Variants in CDHR3 observed in about 807,000 individuals in gnomAD.
The protein encoded by CDHR3 is cadherin-related family member 3.
A neutral mutation model predicts 86.6 loss-of-function variants in CDHR3; 79 were observed. The ratio of observed to expected loss-of-function variants is 0.91; its 90% CI spans 0.76 to 1.10. The LOEUF is 1.10. Among genes scored for constraint, CDHR3 ranks in the 50% least tolerant of loss-of-function variants. The pLI, the probability that CDHR3 is intolerant of heterozygous loss-of-function variation, is 0.00. For synonymous variants in CDHR3, 421 were observed against 402.4 expected, an observed-to-expected ratio of 1.05 and a Z score of -0.55; for missense variants, 1,081 against 1,077.6, an observed-to-expected ratio of 1.00 and a Z score of -0.04.
chr7:106,020,264 G>A, intron 12 of CDHR3, 109 bp from the exon 13 acceptor site: 1 of 926,028 alleles, frequency 1.1e-6, no homozygotes, highest in Non-Finnish European at 1.6e-6. Flanking sequence ...TCTCATGTGA[G>A]TTTAAATGAG....
intron 17 of CDHR3, among the ~76,000 whole-genome samples, chr7:106,028,985 T>TTTC (rs1837901970): frequency 6.7e-6 from 1 of 149,982 alleles, no homozygotes; most frequent in East Asian, 2.0e-4. Context: ...TCTTTCTTTC[T>TTTC]TTCTTTCTTT....
Position 106,004,691 on chromosome 7 carries a change from T to C in CDHR3, c.1052+4T>C. On this transcript the variant is annotated splice_donor_region_variant and intron_variant, in intron 8 of 18. Coordinates refer to ENST00000317716, the MANE Select transcript of CDHR3 (RefSeq NM_152750.5). ...CATGCCAAAAGTTCACCTTCAGGTA[T>C]GCACACTTTGAAAGTTGGGCTGGAC... 2 of 1,613,958 alleles carry C rather than the reference T, an allele frequency of 1.2e-6. No individual in the cohort carries two copies. The highest frequency in any genetic ancestry group is 1.7e-6 in the Non-Finnish European group (2 of 1,179,850).
intron 16 of CDHR3, among the ~76,000 whole-genome samples, chr7:106,027,969 A>T (rs1462313583): frequency 1.3e-5 from 2 of 151,882 alleles, no homozygotes; most frequent in African/African-American, 2.4e-5. Context: ...TAGAAAAAAA[A>T]TTTTTAAATT....
intron 11 of CDHR3, 90 bp downstream of exon 11, chr7:106,016,115 G>A (rs1224019801): frequency 1.3e-6 from 1 of 759,298 alleles, no homozygotes; most frequent in Non-Finnish European, 2.2e-6. Flanking sequence ...CCTTCTGGAG[G>A]CCTCGCATGC....
chr7:105,996,299 A>G lies in CDHR3; in HGVS notation c.658A>G (p.Thr220Ala), dbSNP rs1156345326. The G allele has an allele frequency of 1.2e-6, 2 of 1,601,558 alleles. No homozygotes were observed. The highest frequency in any genetic ancestry group is 1.1e-5 in the South Asian group (1 of 90,448). Reference sequence around the variant, plus strand: ...GGACAGTGGAGGCCTCAAAGCCTCCACAGAGCTCCAGGTGAACATCGTGAA... The same window carrying G: ...GGACAGTGGAGGCCTCAAAGCCTCCGCAGAGCTCCAGGTGAACATCGTGAA... ...VRDSGGLKASTELQVNIVNLN... is the reference protein window; with the variant it reads ...VRDSGGLKASAELQVNIVNLN... Residue 220 changes from threonine to alanine, a missense_variant, in exon 6 of 19, where the codon ACA becomes GCA. By Grantham distance (58) the Thr-to-Ala change is moderately conservative (BLOSUM62 0). Coordinates refer to ENST00000317716, the MANE Select transcript of CDHR3 (RefSeq NM_152750.5).
At chr7:106,000,610 G>A (rs142385522) in intron 6 of CDHR3, among the ~76,000 whole-genome samples, 14 of 152,184 alleles carry the variant, frequency 9.2e-5, no homozygotes, top group Non-Finnish European at 1.3e-4. Context: ...AGGACTTCCT[G>A]CAGAGTTGTT....
intron 8 of CDHR3, among the ~76,000 whole-genome samples, chr7:106,011,450 G>A (rs1434959300): frequency 1.3e-5 from 2 of 152,034 alleles, no homozygotes; most frequent in African/African-American, 4.8e-5. Context: ...ACAAGAAGAA[G>A]CAGAAATCAA....
At chr7:106,020,285 A>G (rs1024695909) in intron 12 of CDHR3, 88 bp from the exon 13 acceptor site, 5 of 1,141,682 alleles carry the variant, frequency 4.4e-6, no homozygotes, top group Non-Finnish European at 6.1e-6. Flanking sequence ...CTAATTTATG[A>G]AAAGTGCTTA....
At chr7:106,013,175 T>TCA in intron 9 of CDHR3, 144 bp downstream of exon 9, 2 of 659,264 alleles carry the variant, frequency 3.0e-6, no homozygotes, top group Non-Finnish European at 4.8e-6. Context: ...AGTGAGTCTG[T>TCA]GTTCCCCATT....
chr7:105,994,689 ATCT>A (rs1831908252), intron 4 of CDHR3, 59 bp from the exon 5 acceptor site: 1 of 1,096,368 alleles, frequency 9.1e-7, no homozygotes, highest in Admixed American at 1.9e-5. Flanking sequence ...GAGCACACAC[ATCT>A]TCTGGGGAAG....
chr7:106,002,803 T>G (rs986277289), intron 7 of CDHR3, among the ~76,000 whole-genome samples: 1 of 152,208 alleles, frequency 6.6e-6, no homozygotes, highest in South Asian at 2.1e-4. Context: ...ATTTTTAACA[T>G]GTATAAAATA....
chr7:106,021,008 G>A (rs1020743730), intron 13 of CDHR3, among the ~76,000 whole-genome samples: 1 of 152,046 alleles, frequency 6.6e-6, no homozygotes, highest in Non-Finnish European at 1.5e-5. Context: ...CCAACTTTTC[G>A]ACCACCTCTT....
chr7:106,015,183 G>A lies in CDHR3; in HGVS notation c.1297G>A (p.Val433Met), dbSNP rs753632217. ...CAATAAATATACGGTGATAATCCAGGTGCAGGATGTGGCCCCCCCTTACTA... is the reference window on the plus strand; with the variant it reads ...CAATAAATATACGGTGATAATCCAGATGCAGGATGTGGCCCCCCCTTACTA... ...AGNKYTVIIQ[V>M]QDVAPPYYKN... The change falls in exon 10 of 19, where the codon GTG becomes ATG. Residue 433 changes from valine (V) to methionine (M), a missense_variant. Coordinates refer to ENST00000317716, the MANE Select transcript of CDHR3 (RefSeq NM_152750.5). The A allele has an allele frequency of 1.9e-6, 3 of 1,610,780 alleles. No individual in the cohort carries two copies. Among genetic ancestry groups the A allele is most frequent in the East Asian group, 2.2e-5 (1 of 44,836 alleles).
chr7:105,980,825 C>A (rs1323343609), intron 2 of CDHR3, 143 bp from the exon 3 acceptor site: 2 of 740,176 alleles, frequency 2.7e-6, no homozygotes, highest in Non-Finnish European at 4.5e-6. Flanking sequence ...TAAGGCAAAA[C>A]AACTGGTTCC....
At chr7:106,001,348 A>T (rs953779142) in intron 6 of CDHR3, 114 bp from the exon 7 acceptor site, 15 of 1,116,152 alleles carry the variant, frequency 1.3e-5, no homozygotes, top group Middle Eastern at 2.8e-4. Context: ...GAGCATGTTG[A>T]TGCAACTTGA....
At chr7:105,979,540 C>A (rs1170083759) in intron 2 of CDHR3, among the ~76,000 whole-genome samples, 2 of 152,216 alleles carry the variant, frequency 1.3e-5, no homozygotes, top group South Asian at 2.1e-4. Flanking sequence ...GTGAAGTTTT[C>A]TCTCCTTCAG....
chr7:106,016,172 T>C (rs1835602512), intron 11 of CDHR3, 147 bp downstream of exon 11: 1 of 588,794 alleles, frequency 1.7e-6, no homozygotes, highest in Non-Finnish European at 3.0e-6. Context: ...TTGCACCTCT[T>C]ATTTCTTTTA....
Position 105,966,714 on chromosome 7 carries a change from A to G in CDHR3, c.46+3350A>G, listed in dbSNP as rs1332794067. ...AGAACAAAAGACAGTCCCTTCTCTC[A>G]GCTCTTCCTTGCCCATGGCAACCTC... On this transcript the variant is annotated intron_variant, in intron 1 of 18. Transcript: ENST00000317716. Among the ~76,000 whole-genome samples the G allele has an allele frequency of 2.0e-5, 3 of 152,118 alleles. No homozygotes were observed. In the East Asian group the frequency reaches 5.8e-4, roughly 29 times the overall value.
intron 1 of CDHR3, among the ~76,000 whole-genome samples, chr7:105,971,203 G>A (rs1030320399): frequency 2.0e-5 from 3 of 151,558 alleles, no homozygotes; most frequent in African/African-American, 7.3e-5. Context: ...GGACTGCCTA[G>A]GACTGCTAGG....
Sources: allele counts gnomAD v4.1 joint callset (sites outside exome capture counted in the v4.1 genomes callset), GRCh38; gene constraint gnomAD v4.1.1; transcripts MANE v1.5; gene names NCBI Gene and HGNC (gene_info 2026-07-23, HGNC 2026-07-21).